Variants in SNX18 observed in about 807,000 individuals in gnomAD.
SNX18 encodes the protein sorting nexin-18.
Under a neutral mutation model 48.7 loss-of-function variants are expected in SNX18, and 35 were observed. The ratio of observed to expected loss-of-function variants is 0.72; its 90% CI spans 0.55 to 0.95. The LOEUF (loss-of-function observed/expected upper bound fraction) is 0.95, where lower values mean the gene tolerates loss of function less well. Ranked by LOEUF, SNX18 falls within the 40% of genes least tolerant of loss-of-function variation. SNX18 has a pLI of 0.00. For missense variants in SNX18, 824 were observed against 871.0 expected (o/e 0.95, Z 0.68); for synonymous variants, 492 against 384.7 (o/e 1.28, Z -3.26).
At chr5:54,577,418 G>A in the SNX18 span, among the ~76,000 whole-genome samples, 1 of 142,558 alleles carries the variant, frequency 7.0e-6, no homozygotes, top group African/African-American at 2.6e-5. Flanking sequence ...CAGAAGGGAT[G>A]AATTCTGGAA....
At chr5:54,598,613 C>T in the SNX18 span, among the ~76,000 whole-genome samples, 95 of 152,222 alleles carry the variant, frequency 6.2e-4, no homozygotes, top group African/African-American at 1.4e-3. Flanking sequence ...ATCACATAAA[C>T]GGATCTAAAG....
intron 1 of SNX18, among the ~76,000 whole-genome samples, chr5:54,521,258 A>G (rs546634811): frequency 2.6e-5 from 4 of 152,324 alleles, no homozygotes; most frequent in Non-Finnish European, 4.4e-5. Flanking sequence ...GTGTCTGTCT[A>G]CTTTAGGTTG....
the SNX18 span, among the ~76,000 whole-genome samples, chr5:54,583,171 T>C: frequency 6.6e-6 from 1 of 152,196 alleles, no homozygotes; most frequent in Non-Finnish European, 1.5e-5. Context: ...GATTGGGTCT[T>C]AAGCTATGTT....
the SNX18 span, among the ~76,000 whole-genome samples, chr5:54,574,079 C>T: frequency 6.6e-6 from 1 of 152,170 alleles, no homozygotes; most frequent in Admixed American, 6.5e-5. Flanking sequence ...CATCTCTGCT[C>T]CCTATGGCAT....
At chr5:54,531,115 C>G (rs1262319963) in intron 1 of SNX18, among the ~76,000 whole-genome samples, 1 of 152,074 alleles carries the variant, frequency 6.6e-6, no homozygotes, top group Non-Finnish European at 1.5e-5. Context: ...CCCTGGCTCC[C>G]TGAGGCAGGG....
At chr5:54,593,768 A>C in the SNX18 span, among the ~76,000 whole-genome samples, 9 of 152,348 alleles carry the variant, frequency 5.9e-5, no homozygotes, top group Non-Finnish European at 7.3e-5. Context: ...CAGAGGTGCT[A>C]AGGTAATTCC....
the SNX18 span, among the ~76,000 whole-genome samples, chr5:54,599,271 C>T: frequency 6.6e-6 from 1 of 152,048 alleles, no homozygotes; most frequent in Non-Finnish European, 1.5e-5. Context: ...ATACAGTTAA[C>T]AAGGGAAATG....
chr5:54,643,832 A>C, the SNX18 span: 2 of 152,192 alleles, frequency 1.3e-5, no homozygotes, highest in Non-Finnish European at 2.9e-5. Flanking sequence ...TTAATCACTC[A>C]AGAAGCCTTC....
the SNX18 span, among the ~76,000 whole-genome samples, chr5:54,563,192 ATAAGT>A: frequency 2.6e-5 from 4 of 152,192 alleles, no homozygotes; most frequent in African/African-American, 4.8e-5. Context: ...AAATGTTAAA[ATAAGT>A]TTAGTGTAGT....
chr5:54,633,586 T>C, the SNX18 span, among the ~76,000 whole-genome samples: 77 of 152,312 alleles, frequency 5.1e-4, no homozygotes, highest in Admixed American at 1.2e-3. Flanking sequence ...TGTGTCTCAG[T>C]TTCTCCATCT....
Position 54,518,852 on chromosome 5 carries a change from G to A in SNX18, c.900G>A (p.Leu300=), listed in dbSNP as rs746478306. The change falls in exon 1 of 2, where the codon CTG becomes CTA. Residue 300 remains leucine (L), a synonymous_variant. Transcript: ENST00000381410. ...TGAAGAGCTACATCTCCTACAAGCT[G>A]GTGCCCACGCACACGCAGGTGCCGG... ...KGMKSYISYK[L]VPTHTQVPVH... The A allele has an allele frequency of 3.1e-6, 5 of 1,612,620 alleles. No homozygotes were observed. The highest frequency in any genetic ancestry group is 2.2e-5 in the East Asian group (1 of 44,834).
At chr5:54,568,797 T>A in the SNX18 span, among the ~76,000 whole-genome samples, 9 of 152,050 alleles carry the variant, frequency 5.9e-5, no homozygotes, top group Admixed American at 1.3e-4. Context: ...CTTTAGTTCT[T>A]GCAACTGGAA....
chr5:54,564,182 C>T, the SNX18 span, among the ~76,000 whole-genome samples: 2 of 152,050 alleles, frequency 1.3e-5, no homozygotes, highest in East Asian at 3.9e-4. Context: ...AGGAGAATAG[C>T]TTGAACCTGT....
chr5:54,591,153 C>CT, the SNX18 span, among the ~76,000 whole-genome samples: 350 of 98,004 alleles, frequency 3.6e-3, 1 homozygote, highest in African/African-American at 0.01. Flanking sequence ...CCAGACCTTG[C>CT]TTTTTTGTTT....
the SNX18 span, among the ~76,000 whole-genome samples, chr5:54,571,520 A>G: frequency 6.6e-6 from 1 of 151,744 alleles, no homozygotes; most frequent in Non-Finnish European, 1.5e-5. Context: ...CAATTTCATT[A>G]CAGAGATCCC....
At chr5:54,639,856 GCA>G in the SNX18 span, among the ~76,000 whole-genome samples, 1 of 152,146 alleles carries the variant, frequency 6.6e-6, no homozygotes, top group African/African-American at 2.4e-5. Flanking sequence ...TTATGCAAGG[GCA>G]TTATGTATCA....
At chr5:54,635,112 T>C in the SNX18 span, among the ~76,000 whole-genome samples, 1 of 151,952 alleles carries the variant, frequency 6.6e-6, no homozygotes, top group Admixed American at 6.5e-5. Context: ...TGTGTTTATG[T>C]CTCCTTATTG....
At chr5:54,604,765 CA>C in the SNX18 span, among the ~76,000 whole-genome samples, 1 of 152,072 alleles carries the variant, frequency 6.6e-6, no homozygotes, top group South Asian at 2.1e-4. Context: ...GTTAAAATGG[CA>C]AAATTTGTGA....
the SNX18 span, among the ~76,000 whole-genome samples, chr5:54,629,948 A>G: frequency 6.6e-6 from 1 of 152,232 alleles, no homozygotes; most frequent in Non-Finnish European, 1.5e-5. Flanking sequence ...CTTAAGAACA[A>G]GTAGGAAATA....
Sources: allele counts gnomAD v4.1 joint callset (sites outside exome capture counted in the v4.1 genomes callset), GRCh38; gene constraint gnomAD v4.1.1; transcripts MANE v1.5; gene names NCBI Gene and HGNC (gene_info 2026-07-23, HGNC 2026-07-21).